Variants in RPTOR observed in about 807,000 individuals in gnomAD.
RPTOR encodes regulatory-associated protein of mTOR.
In RPTOR, 21 loss-of-function variants were observed where a neutral mutation model predicts 169.9. The ratio of observed to expected loss-of-function variants is 0.12; its 90% confidence interval spans 0.09 to 0.18. The LOEUF is 0.18. Among genes scored for constraint, RPTOR ranks in the 10% least tolerant of loss-of-function variants. RPTOR has a pLI of 1.00. For synonymous variants in RPTOR, 732 were observed against 753.2 expected (o/e 0.97, Z 0.46); for missense variants, 1,133 against 1,855.9 (o/e 0.61, Z 7.16).
intron 3 of RPTOR, among the ~76,000 whole-genome samples, chr17:80,688,396 G>A (rs537889339): frequency 9.2e-5 from 14 of 152,270 alleles, no homozygotes; most frequent in African/African-American, 3.1e-4. Flanking sequence ...TCCCTCAACC[G>A]TTTCTCTCTG....
chr17:80,960,397 TCCCACAAAGGTCTGC>T lies in RPTOR; in HGVS notation c.3605+199_3605+213del, dbSNP rs1189623200. ...GCCAGGCCCGTCCCACTGAGGCCCA[TCCCACAAAGGTCTGC>T]CCCACAGAGGTCCACCCCACAGCCT... On this transcript the variant is annotated intron_variant, in intron 30 of 33. Transcript: ENST00000306801. This position sits in a 1 kb window ranked among gnomAD's most constrained non-coding sequence, Gnocchi z 4.8. 1.3e-5 allele frequency among the ~76,000 whole-genome samples: 2 copies of T among 152,196 alleles called. No homozygotes were observed. The highest frequency in any genetic ancestry group is 2.4e-5 in the African/African-American group (1 of 41,454).
At position 80,936,484 on chromosome 17, in the gene RPTOR, C is replaced by A. The variant is rs2068955735; in HGVS notation, c.2920-4012C>A. 6.6e-6 allele frequency among the ~76,000 whole-genome samples: 1 copy of A among 152,174 alleles called. No homozygotes were observed. The highest frequency in any genetic ancestry group is 2.4e-5 in the African/African-American group (1 of 41,432). ...CACCTCGTAAAGAGAGAAGCTGATA[C>A]AACCATACAATGAAAGACTCATCAG... is the stretch of plus-strand genomic sequence containing the variant. On this transcript the variant is annotated intron_variant, in intron 24 of 33. Coordinates refer to ENST00000306801, the MANE Select transcript of RPTOR (RefSeq NM_020761.3). The surrounding 1 kb of genome is among the most constrained non-coding windows in gnomAD (Gnocchi z 4.1).
chr17:80,793,937 C>T (rs933501571), intron 7 of RPTOR, among the ~76,000 whole-genome samples: 9 of 152,260 alleles, frequency 5.9e-5, no homozygotes, highest in Admixed American at 5.2e-4. Context: ...TCAGGACAGC[C>T]CCACTGTCGT....
At chr17:80,794,400 T>C (rs2067080203) in intron 7 of RPTOR, among the ~76,000 whole-genome samples, 2 of 152,206 alleles carry the variant, frequency 1.3e-5, no homozygotes, top group African/African-American at 2.4e-5. Context: ...GCACTGTCCC[T>C]ATTAGAACGG....
intron 3 of RPTOR, among the ~76,000 whole-genome samples, chr17:80,682,261 A>G (rs998466374): frequency 2.6e-5 from 4 of 151,734 alleles, no homozygotes; most frequent in Non-Finnish European, 2.9e-5. Flanking sequence ...GCGCCACCAC[A>G]CCCAGCTAAT....
chr17:80,775,819 A>G (rs7208823), intron 6 of RPTOR, among the ~76,000 whole-genome samples: 41,373 of 152,178 alleles, frequency 0.27, 5,790 homozygotes, highest in African/African-American at 0.33. Context: ...GCTATTCCAT[A>G]TTCTTCATAC....
intron 3 of RPTOR, among the ~76,000 whole-genome samples, chr17:80,700,664 G>GTGATGGTAGAGA (rs1567864523): frequency 5.1e-4 from 3 of 5,858 alleles, no homozygotes; most frequent in Admixed American, 2.7e-3. Flanking sequence ...AGAGATGATG[G>GTGATGGTAGAGA]TGATGGTGAT....
intron 9 of RPTOR, among the ~76,000 whole-genome samples, chr17:80,832,480 C>A (rs1051389609): frequency 2.0e-5 from 3 of 152,216 alleles, no homozygotes; most frequent in African/African-American, 7.2e-5. Flanking sequence ...GGGAATGTGG[C>A]CTCCACCTTG....
chr17:80,840,741 G>GCC (rs2067631107), intron 10 of RPTOR, among the ~76,000 whole-genome samples: 1 of 123,244 alleles, frequency 8.1e-6, no homozygotes, highest in South Asian at 2.9e-4. Context: ...CTCACCGCAC[G>GCC]GCAGCTCACT....
chr17:80,889,319 C>T (rs1417817548), intron 17 of RPTOR, among the ~76,000 whole-genome samples: 1 of 152,178 alleles, frequency 6.6e-6, no homozygotes, highest in Non-Finnish European at 1.5e-5. Flanking sequence ...GGGGAGCCGA[C>T]AGGAAGGGCT....
intron 20 of RPTOR, among the ~76,000 whole-genome samples, chr17:80,899,796 AT>A (rs1291614624): frequency 4.6e-5 from 7 of 151,584 alleles, no homozygotes; most frequent in East Asian, 1.9e-4. Context: ...TGTTCCTTTG[AT>A]TTTTTTTTCA....
At chr17:80,682,038 A>G (rs1247283899) in intron 3 of RPTOR, among the ~76,000 whole-genome samples, 1 of 151,270 alleles carries the variant, frequency 6.6e-6, no homozygotes, top group African/African-American at 2.4e-5. Flanking sequence ...TGGCCCCCCA[A>G]AAGATTAGCC....
At chr17:80,765,261 A>C (rs914907431) in intron 6 of RPTOR, among the ~76,000 whole-genome samples, 1 of 152,124 alleles carries the variant, frequency 6.6e-6, no homozygotes. Context: ...TCATCTGGGC[A>C]CTTGCTCTCA....
At chr17:80,881,742 GCC>G (rs948444030) in intron 14 of RPTOR, among the ~76,000 whole-genome samples, 2 of 152,234 alleles carry the variant, frequency 1.3e-5, no homozygotes, top group African/African-American at 4.8e-5. Flanking sequence ...GATCGCCTGA[GCC>G]CGGGGAAGTC....
At chr17:80,883,752 C>T (rs2068211332) in intron 15 of RPTOR, 29 bp from the exon 16 acceptor site, 1 of 1,610,874 alleles carries the variant, frequency 6.2e-7, no homozygotes, top group Non-Finnish European at 8.5e-7. Flanking sequence ...CAGGCAGAGG[C>T]CAACCTGTCT....
At chr17:80,811,013 T>A (rs988171054) in intron 7 of RPTOR, among the ~76,000 whole-genome samples, 2 of 152,232 alleles carry the variant, frequency 1.3e-5, no homozygotes, top group African/African-American at 4.8e-5. Context: ...TGTAATTATG[T>A]CATCTGAAAA....
In RPTOR at chr17:80,893,714, C is replaced by T. The variant is rs115028103; in HGVS notation, c.2250C>T (p.Gly750=). The change falls in exon 20 of 34, where the codon GGC becomes GGT. Residue 750 remains glycine, a synonymous_variant. Transcript: ENST00000306801. ...CCGTTGCGTCTCGGGCAGCTGGTGG[C>T]GCGGTGGCGTTCTCCCCCGGAAACC... ...QNLSLTEESG[G]AVAFSPGNLS... 699 of 1,609,084 alleles carry T rather than the reference C, an allele frequency of 4.3e-4. 1 individual carries two copies. In the African/African-American group the frequency reaches 8.3e-3, roughly 19 times the overall value.
chr17:80,667,806 T>C (rs956269878), intron 3 of RPTOR, among the ~76,000 whole-genome samples: 1 of 152,032 alleles, frequency 6.6e-6, no homozygotes, highest in Non-Finnish European at 1.5e-5. Context: ...GTGAAATGAG[T>C]GGTGTAATTG....
At position 80,545,697 on chromosome 17, in the gene RPTOR, A is replaced by G. The variant is rs2084266174; in HGVS notation, c.68A>G (p.Asp23Gly). ...GAGGAAGATGAGGCTGATCTTACAG[A>G]CTGGAACCTACCTTTGGCTTTTATG... ...LGEEDEADLT[D>G]WNLPLAFMKK... The change falls in exon 1 of 34, where the codon GAC (aspartate) becomes GGC (glycine). Residue 23 changes from aspartate to glycine, a missense_variant. By Grantham distance (94) the Asp-to-Gly change is moderately conservative. Coordinates refer to ENST00000306801, the MANE Select transcript of RPTOR (RefSeq NM_020761.3). 1 of 1,613,868 alleles carries G rather than the reference A, an allele frequency of 6.2e-7. No homozygotes were observed. The highest frequency in any genetic ancestry group is 8.5e-7 in the Non-Finnish European group (1 of 1,179,886).
Sources: gnomAD v4.1 joint callset for allele counts (sites outside exome capture counted in the v4.1 genomes callset) on GRCh38, gnomAD v4.1.1 for gene constraint, Gnocchi (gnomAD v3.1) non-coding constraint, MANE v1.5 for transcripts, NCBI Gene and HGNC (gene_info 2026-07-23, HGNC 2026-07-21) for gene names.